The following REDIC1 variants were observed in gnomAD, a reference collection of about 807,000 sequenced individuals.
REDIC1 encodes regulator of DNA class I crossover intermediates 1, also known as HEI10 Interacting Protein 1.
At chr12:39,698,616 T>G in the REDIC1 span, among the ~76,000 whole-genome samples, 7 of 152,184 alleles carry the variant, frequency 4.6e-5, no homozygotes, top group African/African-American at 1.7e-4. Flanking sequence ...TCTTAAAACA[T>G]TTTTAAAAAT....
At chr12:39,785,248 T>C in the REDIC1 span, among the ~76,000 whole-genome samples, 140 of 152,248 alleles carry the variant, frequency 9.2e-4, no homozygotes, top group Non-Finnish European at 1.7e-3. Flanking sequence ...CCATGCTGTG[T>C]GCAGCCTAGA....
the REDIC1 span, among the ~76,000 whole-genome samples, chr12:39,667,536 A>G: frequency 6.6e-6 from 1 of 152,174 alleles, no homozygotes; most frequent in Non-Finnish European, 1.5e-5. Context: ...AGAAGAATGT[A>G]TATTCTGTTG....
At chr12:39,647,404 T>G in the REDIC1 span, among the ~76,000 whole-genome samples, 1 of 152,076 alleles carries the variant, frequency 6.6e-6, no homozygotes, top group South Asian at 2.1e-4. Flanking sequence ...AGCTATCATT[T>G]TTTTCCTTTG....
the REDIC1 span, among the ~76,000 whole-genome samples, chr12:39,693,340 A>AT: frequency 2.0e-5 from 3 of 150,838 alleles, no homozygotes; most frequent in African/African-American, 7.3e-5. Flanking sequence ...TAATGATTTA[A>AT]TTTTTTGAAT....
the REDIC1 span, chr12:39,760,060 TGATA>T: frequency 6.2e-7 from 1 of 1,612,642 alleles, no homozygotes; most frequent in South Asian, 1.1e-5. Flanking sequence ...GTCAGAAAGA[TGATA>T]GTTACTTCCC....
chr12:39,670,376 C>T, the REDIC1 span, among the ~76,000 whole-genome samples: 56 of 152,062 alleles, frequency 3.7e-4, no homozygotes, highest in African/African-American at 7.5e-4. Context: ...TTTTTAGTTC[C>T]GATGGATTTT....
chr12:39,700,121 T>C, the REDIC1 span, among the ~76,000 whole-genome samples: 1 of 152,074 alleles, frequency 6.6e-6, no homozygotes, highest in Non-Finnish European at 1.5e-5. Flanking sequence ...GAAGAAGGCT[T>C]CAGACAATCA....
chr12:39,895,761 T>C, the REDIC1 span, among the ~76,000 whole-genome samples: 22 of 57,064 alleles, frequency 3.9e-4, 4 homozygotes, highest in African/African-American at 1.4e-3. Flanking sequence ...CGTGTATACG[T>C]ACACACATGT....
chr12:39,717,569 G>A, the REDIC1 span, among the ~76,000 whole-genome samples: 1 of 151,982 alleles, frequency 6.6e-6, no homozygotes, highest in Non-Finnish European at 1.5e-5. Flanking sequence ...AGAAGAGGTG[G>A]AGGAAGTAGA....
the REDIC1 span, chr12:39,626,223 G>A: frequency 2.6e-6 from 3 of 1,143,702 alleles, no homozygotes; most frequent in Non-Finnish European, 3.9e-6. Context: ...AGCTTACTCG[G>A]GCCCTGACGT....
At chr12:39,696,460 G>A in the REDIC1 span, among the ~76,000 whole-genome samples, 77 of 140,494 alleles carry the variant, frequency 5.5e-4, no homozygotes, top group Non-Finnish European at 2.9e-4. Context: ...GGAGAATGGC[G>A]TGAACCCGGG....
chr12:39,706,137 A>T, the REDIC1 span, among the ~76,000 whole-genome samples: 1 of 152,090 alleles, frequency 6.6e-6, no homozygotes, highest in African/African-American at 2.4e-5. Flanking sequence ...CAAAATCAAC[A>T]TGCAAAAATC....
At chr12:39,759,940 G>C in the REDIC1 span, 1 of 968,606 alleles carries the variant, frequency 1.0e-6, no homozygotes, top group Non-Finnish European at 1.6e-6. Context: ...GAAAGAACCA[G>C]ATTAGAAGCA....
At chr12:39,792,336 C>T in the REDIC1 span, among the ~76,000 whole-genome samples, 1 of 151,386 alleles carries the variant, frequency 6.6e-6, no homozygotes, top group East Asian at 1.9e-4. Flanking sequence ...ATGTCCAAAA[C>T]ACCAAAAGCA....
At chr12:39,833,102 A>G in the REDIC1 span, among the ~76,000 whole-genome samples, 1 of 152,132 alleles carries the variant, frequency 6.6e-6, no homozygotes, top group African/African-American at 2.4e-5. Context: ...TCAGCAAACT[A>G]CAACTGTTGA....
At chr12:39,642,542 G>C in the REDIC1 span, among the ~76,000 whole-genome samples, 1 of 151,504 alleles carries the variant, frequency 6.6e-6, no homozygotes, top group Non-Finnish European at 1.5e-5. Context: ...CCCTCACTAT[G>C]GTCTTATCCA....
At chr12:39,678,608 C>A in the REDIC1 span, among the ~76,000 whole-genome samples, 3 of 114,034 alleles carry the variant, frequency 2.6e-5, no homozygotes, top group Non-Finnish European at 3.5e-5. Context: ...ACCCTAATAC[C>A]AAAACCAGGA....
At chr12:39,714,235 G>GTA in the REDIC1 span, among the ~76,000 whole-genome samples, 1 of 71,718 alleles carries the variant, frequency 1.4e-5, no homozygotes, top group African/African-American at 4.6e-5. Flanking sequence ...ATGCATATAT[G>GTA]TATATATGTA....
the REDIC1 span, among the ~76,000 whole-genome samples, chr12:39,660,592 T>A: frequency 2.0e-5 from 3 of 152,142 alleles, no homozygotes; most frequent in Non-Finnish European, 4.4e-5. Context: ...ATGGAATGTG[T>A]AATAATCAGG....
Sources: allele counts gnomAD v4.1 joint callset (sites outside exome capture counted in the v4.1 genomes callset), GRCh38; gene constraint gnomAD v4.1.1; transcripts MANE v1.5; gene names NCBI Gene and HGNC (gene_info 2026-07-23, HGNC 2026-07-21).